The following NAV2 variants were observed in gnomAD, a reference collection of about 807,000 sequenced individuals.
NAV2 encodes neuron navigator 2, also known as helicase, APC down-regulated 1.
In NAV2, 54 loss-of-function variants were observed where a neutral mutation model predicts 223.2. The observed-to-expected ratio is 0.24, with a 90% CI of 0.19 to 0.30. The LOEUF is 0.30. Ranked by LOEUF, NAV2 falls within the 10% of genes least tolerant of loss-of-function variation. The pLI is 1.00. For missense variants in NAV2, 2,806 were observed against 3,147.5 expected, an observed-to-expected ratio of 0.89 and a Z score of 2.60; for synonymous variants, 1,279 against 1,239.3, an observed-to-expected ratio of 1.03 and a Z score of -0.67.
chr11:19,771,358 G>T (rs1291422138), intron 1 of NAV2, among the ~76,000 whole-genome samples: 1 of 152,168 alleles, frequency 6.6e-6, no homozygotes, highest in Non-Finnish European at 1.5e-5. Context: ...TGAGTGGAAA[G>T]GATCCGAGAA....
chr11:19,778,653 T>A (rs1344603605), intron 1 of NAV2, among the ~76,000 whole-genome samples: 2 of 152,236 alleles, frequency 1.3e-5, no homozygotes, highest in Non-Finnish European at 2.9e-5. Context: ...ACCTTGCTTT[T>A]CATACTTCTT....
At chr11:20,050,978 C>T (rs1351336463) in intron 16 of NAV2, among the ~76,000 whole-genome samples, 2 of 152,234 alleles carry the variant, frequency 1.3e-5, no homozygotes, top group Non-Finnish European at 2.9e-5. Context: ...AGGACCTCTG[C>T]TTTGAGGTGG....
chr11:19,846,883 G>A (rs1051737007), intron 3 of NAV2, among the ~76,000 whole-genome samples: 4 of 152,154 alleles, frequency 2.6e-5, no homozygotes, highest in African/African-American at 7.2e-5. Flanking sequence ...TTTAAGGAGC[G>A]CTTTGCCCTG....
chr11:19,925,972 ATTACT>A (rs1392968037), intron 6 of NAV2, among the ~76,000 whole-genome samples: 1 of 152,132 alleles, frequency 6.6e-6, no homozygotes, highest in Non-Finnish European at 1.5e-5. Flanking sequence ...CTTTTAAAAA[ATTACT>A]TTAACTTTGC....
chr11:20,039,532 G>T (rs182969058), intron 12 of NAV2, among the ~76,000 whole-genome samples: 1 of 152,140 alleles, frequency 6.6e-6, no homozygotes, highest in Non-Finnish European at 1.5e-5. Flanking sequence ...GTTAACTAAA[G>T]GTTGACTACG....
chr11:19,351,222 A>G (rs533381493), intron 1 of NAV2, among the ~76,000 whole-genome samples: 2 of 152,218 alleles, frequency 1.3e-5, no homozygotes, highest in Non-Finnish European at 2.9e-5. Flanking sequence ...AAAGATAAAG[A>G]AAAGGGAAAA....
rs143196116 is a variant in NAV2, at chr11:19,658,235, G to A, written c.76-174249G>A. Among the ~76,000 whole-genome samples the A allele has an allele frequency of 5.6e-4, 85 of 152,158 alleles. 1 individual carries two copies. The East Asian group carries it at 8.9e-3, about 16-fold the overall frequency. On this transcript the variant is annotated intron_variant, in intron 1 of 37. Coordinates refer to the NAV2 transcript ENST00000360655. ...AGTAACCTGCCTAGGATCACACAGC[G>A]AGTAAGTGACAGAGCCAGCATTGGA...
intron 11 of NAV2, among the ~76,000 whole-genome samples, chr11:20,032,110 A>G (rs545866609): frequency 5.9e-5 from 9 of 152,332 alleles, no homozygotes; most frequent in African/African-American, 2.2e-4. Flanking sequence ...CCAGAAGCAA[A>G]GGAGACATGG....
chr11:19,345,351 G>T, the NAV2 span, among the ~76,000 whole-genome samples: 455 of 152,354 alleles, frequency 3.0e-3, no homozygotes, highest in African/African-American at 0.01. This position sits in a 1 kb window ranked among gnomAD's most constrained non-coding sequence, Gnocchi z 5.2. Flanking sequence ...GTCGGGTCTG[G>T]CTGGACTGCC....
chr11:20,040,752 G>A (rs1564904096), intron 12 of NAV2, among the ~76,000 whole-genome samples: 4 of 152,330 alleles, frequency 2.6e-5, no homozygotes, highest in Non-Finnish European at 1.5e-5. Flanking sequence ...ACAACTGGCC[G>A]AGGCATGGAG....
chr11:19,616,607 A>G (rs2046802769), intron 1 of NAV2, among the ~76,000 whole-genome samples: 3 of 151,888 alleles, frequency 2.0e-5, no homozygotes, highest in South Asian at 4.2e-4. Context: ...GCTGGCCCCC[A>G]GGGTTGCTCC....
intron 10 of NAV2, among the ~76,000 whole-genome samples, chr11:19,954,685 C>G (rs565335802): frequency 7.1e-4 from 108 of 152,078 alleles, no homozygotes; most frequent in African/African-American, 2.5e-3. Flanking sequence ...ATGTATAATA[C>G]CTTGTATCTT....
intron 1 of NAV2, among the ~76,000 whole-genome samples, chr11:19,609,313 A>T (rs1217236627): frequency 1.3e-5 from 2 of 152,232 alleles, no homozygotes; most frequent in Non-Finnish European, 2.9e-5. Context: ...AAATTGAAAC[A>T]AAAATTGAAA....
intron 1 of NAV2, among the ~76,000 whole-genome samples, chr11:19,381,548 A>G (rs7939688): frequency 1.4e-4 from 22 of 152,168 alleles, no homozygotes; most frequent in African/African-American, 5.1e-4. Flanking sequence ...TGAGAAAGGA[A>G]GTGTGGTAGC....
intron 1 of NAV2, among the ~76,000 whole-genome samples, chr11:19,763,860 AC>A (rs1373621345): frequency 2.0e-5 from 3 of 151,078 alleles, no homozygotes; most frequent in Non-Finnish European, 4.4e-5. Flanking sequence ...AAACCTATGG[AC>A]CCTCCTTCCC....
chr11:19,709,637 C>T (rs2049801483), upstream of NAV2, among the ~76,000 whole-genome samples: 1 of 151,072 alleles, frequency 6.6e-6, no homozygotes, highest in Admixed American at 6.6e-5. Flanking sequence ...GAGTTCCAGA[C>T]CAGCCTGACC....
chr11:19,585,415 G>C (rs2045863061), intron 1 of NAV2, among the ~76,000 whole-genome samples: 1 of 152,130 alleles, frequency 6.6e-6, no homozygotes, highest in East Asian at 1.9e-4. Context: ...ATTTGATCCT[G>C]TCATTATGAT....
intron 1 of NAV2, among the ~76,000 whole-genome samples, chr11:19,353,976 T>C (rs1338218509): frequency 6.6e-6 from 1 of 152,232 alleles, no homozygotes; most frequent in Non-Finnish European, 1.5e-5. Context: ...TCTGAGTCCT[T>C]ACATACACAC....
chr11:19,748,794 A>G (rs1010919577), intron 1 of NAV2, among the ~76,000 whole-genome samples: 1 of 152,252 alleles, frequency 6.6e-6, no homozygotes, highest in Non-Finnish European at 1.5e-5. Context: ...CAGACCAAAG[A>G]GAAACAGGCT....
Sources: allele counts gnomAD v4.1 joint callset (sites outside exome capture counted in the v4.1 genomes callset), GRCh38; gene constraint gnomAD v4.1.1; non-coding constraint Gnocchi (gnomAD v3.1); transcripts MANE v1.5; gene names NCBI Gene and HGNC (gene_info 2026-07-23, HGNC 2026-07-21).